Variants in NME9 observed in about 807,000 individuals in gnomAD.
NME9 encodes NME/NM23 family member 9.
NME9 carries 48 observed loss-of-function variants against 44.4 expected under a neutral mutation model. The observed-to-expected ratio is 1.08, with a 90% CI of 0.86 to 1.37. The LOEUF (loss-of-function observed/expected upper bound fraction) is 1.37, where lower values mean the gene tolerates loss of function less well. NME9 is among the 40% of genes most tolerant of loss of function. The probability of loss-of-function intolerance (pLI) is 0.00; values close to 1 mark genes in which losing one functional copy is unlikely to be tolerated. For synonymous variants in NME9, 139 were observed against 147.1 expected (o/e 0.94, Z 0.40); for missense variants, 325 against 405.2 (o/e 0.80, Z 1.70).
Position 138,264,412 on chromosome 3 carries a change from CTTTTTTT to C in NME9, c.746-1833_746-1827del, listed in dbSNP as rs11298899. Among the ~76,000 whole-genome samples, 5 of 48,646 alleles carry C rather than the reference CTTTTTTT, an allele frequency of 1.0e-4. No individual in the cohort carries two copies. In the East Asian group the frequency reaches 3.7e-3, roughly 36 times the overall value. The allele number at this position is 48,646 out of a possible 152,430, so 31.9% of individuals were successfully genotyped here. On this transcript the variant is annotated intron_variant, in intron 8 of 8. Transcript: ENST00000317876. ...GGGAACTACAGGCCTGATTTTCTTT[CTTTTTTT>C]TTTTTTTTTTTTTTTTTTGAGATGT...
Position 138,306,451 on chromosome 3 carries a change from T to C in NME9, c.490A>G (p.Ile164Val), listed in dbSNP as rs764198787. 1 of 1,613,402 alleles carries C rather than the reference T, an allele frequency of 6.2e-7. No homozygotes were observed. Among genetic ancestry groups the C allele is most frequent in the Non-Finnish European group, 8.5e-7 (1 of 1,179,554 alleles). Residue 164 changes from isoleucine (I) to valine (V), a missense_variant, in exon 7 of 11, where the codon ATC (isoleucine) becomes GTC (valine). Physicochemically the swap from Ile to Val is conservative, Grantham distance 29. Transcript: ENST00000333911. ...VSSERTCTLA[I>V]IKPDAVAHGK... ...TGGGCCACTGCATCTGGTTTAATGATGGCCAAGGTACAGGTCCTCTCTGAT... is the reference window on the plus strand; with the variant it reads ...TGGGCCACTGCATCTGGTTTAATGACGGCCAAGGTACAGGTCCTCTCTGAT...
At chr3:138,271,157 A>G (rs573047206) in intron 8 of NME9, among the ~76,000 whole-genome samples, 2 of 152,318 alleles carry the variant, frequency 1.3e-5, no homozygotes, top group South Asian at 4.1e-4. Flanking sequence ...ATTATCTTCT[A>G]AGAAAGCAAC....
In NME9 at chr3:138,301,068, C is replaced by T. The variant is rs2051813063; in HGVS notation, c.*572G>A. 1 of 968,886 alleles carries T rather than the reference C, an allele frequency of 1.0e-6. No individual in the cohort carries two copies. The highest frequency in any genetic ancestry group is 1.2e-6 in the Non-Finnish European group (1 of 814,996). 60.0% of individuals were successfully genotyped at this position (968,886 alleles called of 1,614,324 possible). ...TATAACCCAGTATCCTCTGAGATGA[C>T]ACTTATATCTCACAACAGGATGTAA... On this transcript the variant is annotated 3_prime_UTR_variant, in exon 11 of 11. Coordinates refer to ENST00000333911, the MANE Select transcript of NME9 (RefSeq NM_001349018.2).
chr3:138,302,364 A>G (rs1398209960), intron 10 of NME9, among the ~76,000 whole-genome samples: 1 of 152,132 alleles, frequency 6.6e-6, no homozygotes, highest in Non-Finnish European at 1.5e-5. Flanking sequence ...CCCAGTGAGA[A>G]CTTCCCAGCC....
chr3:138,263,263 G>A (rs1278671530), intron 8 of NME9, among the ~76,000 whole-genome samples: 1 of 152,246 alleles, frequency 6.6e-6, no homozygotes, highest in East Asian at 1.9e-4. Context: ...GATGGCAAGG[G>A]TTACTTTTCT....
chr3:138,282,391 T>G (rs921927096), intron 8 of NME9, among the ~76,000 whole-genome samples: 7 of 152,170 alleles, frequency 4.6e-5, no homozygotes, highest in African/African-American at 1.7e-4. Context: ...CTCATGCCTG[T>G]AATCCCAGCA....
downstream of NME9, among the ~76,000 whole-genome samples, chr3:138,298,745 T>C (rs1293688888): frequency 1.3e-5 from 2 of 152,212 alleles, no homozygotes; most frequent in African/African-American, 4.8e-5. Flanking sequence ...TGCAAGAGCT[T>C]GCTATCCCTC....
chr3:138,278,758 T>C (rs779505520), intron 8 of NME9, among the ~76,000 whole-genome samples: 21 of 152,220 alleles, frequency 1.4e-4, no homozygotes, highest in Non-Finnish European at 2.6e-4. Flanking sequence ...GTTTTTGATA[T>C]ATAGGTCTTG....
rs1296155211 is a variant in NME9 at position 138,315,515 on chromosome 3, A to G, written c.384+12T>C. On this transcript the variant is annotated intron_variant, in intron 5 of 10. Coordinates refer to ENST00000333911, the MANE Select transcript of NME9 (RefSeq NM_001349018.2). ...TGTGAGTTAGCTGCTTATAGAAGTG[A>G]CCTCCAGTTACCACTTTCCGTTCTC... 4 of 1,521,140 alleles carry G rather than the reference A, an allele frequency of 2.6e-6. No individual in the cohort carries two copies. Among genetic ancestry groups the G allele is most frequent in the Non-Finnish European group, 3.5e-6 (4 of 1,133,434 alleles). The allele number at this position is 1,521,140 out of a possible 1,614,324, so 94.2% of individuals were successfully genotyped here.
rs186889848 is a variant in NME9 at position 138,266,519 on chromosome 3, C to T, written c.746-3933G>A. Among the ~76,000 whole-genome samples the T allele has an allele frequency of 4.3e-4, 66 of 152,222 alleles. 1 individual carries two copies. The highest frequency in any genetic ancestry group is 1.3e-3 in the African/African-American group (56 of 41,542). On this transcript the variant is annotated intron_variant, in intron 8 of 8. Coordinates refer to the NME9 transcript ENST00000317876. ...TCTTATGTTTTTCATTTCCCTGCTA[C>T]GGTACTTCCCTTATTATTCACTATA...
chr3:138,284,369 G>A, intron 8 of NME9: 3 of 1,324,678 alleles, frequency 2.3e-6, no homozygotes, highest in South Asian at 1.2e-5. Flanking sequence ...CCAAGCTCTT[G>A]AGACAGCTTG....
At chr3:138,282,625 G>A (rs1455130500) in intron 8 of NME9, among the ~76,000 whole-genome samples, 2 of 131,656 alleles carry the variant, frequency 1.5e-5, no homozygotes, top group African/African-American at 5.9e-5. Context: ...GACAGAGTGA[G>A]ACTCCATCTC....
chr3:138,319,417 T>G (rs1260629495), intron 3 of NME9, 61 bp downstream of exon 3: 5 of 999,040 alleles, frequency 5.0e-6, no homozygotes, highest in Non-Finnish European at 7.9e-6. Flanking sequence ...TTCCTGACTC[T>G]TTTAAATTTT....
chr3:138,319,844 TC>T (rs1397987904), intron 2 of NME9, among the ~76,000 whole-genome samples: 2 of 152,188 alleles, frequency 1.3e-5, no homozygotes, highest in Non-Finnish European at 2.9e-5. Flanking sequence ...GGCTCCTTTA[TC>T]TTAAGGGTTC....
chr3:138,264,246 C>T (rs1376320477), intron 8 of NME9: 6 of 1,555,374 alleles, frequency 3.9e-6, no homozygotes, highest in Admixed American at 1.7e-5. Context: ...AACAGCTGTA[C>T]TCACAGACCC....
intron 8 of NME9, among the ~76,000 whole-genome samples, chr3:138,281,810 T>G (rs998455658): frequency 2.0e-5 from 3 of 152,188 alleles, no homozygotes; most frequent in African/African-American, 7.2e-5. Context: ...ATATTCTGTT[T>G]TAGTGGGTAA....
intron 2 of NME9, 60 bp from the exon 3 acceptor site, chr3:138,319,641 T>A (rs2053337026): frequency 1.2e-6 from 1 of 854,572 alleles, no homozygotes; most frequent in Non-Finnish European, 2.0e-6. Flanking sequence ...ACACCATGCA[T>A]AATTTATACC....
At chr3:138,290,557 C>T (rs375501675) in intron 8 of NME9, 7 of 1,602,912 alleles carry the variant, frequency 4.4e-6, no homozygotes, top group African/African-American at 1.3e-5. Flanking sequence ...TTCACAAGAA[C>T]GCCAGGATAA....
intron 2 of NME9, among the ~76,000 whole-genome samples, chr3:138,322,662 A>G (rs1039938041): frequency 2.0e-5 from 3 of 152,170 alleles, no homozygotes; most frequent in South Asian, 2.1e-4. Context: ...GAAAAAACAC[A>G]TATCTATGTA....
Sources: allele counts gnomAD v4.1 joint callset (sites outside exome capture counted in the v4.1 genomes callset), GRCh38; gene constraint gnomAD v4.1.1; transcripts MANE v1.5; gene names NCBI Gene and HGNC (gene_info 2026-07-23, HGNC 2026-07-21).